BBS4: variants seen among roughly 807,000 people sequenced by gnomAD.
The protein encoded by BBS4 is BBSome complex member BBS4.
BBS4 carries 58 observed loss-of-function variants against 71.4 expected under a neutral mutation model. The ratio of observed to expected loss-of-function variants is 0.81; its 90% CI spans 0.66 to 1.01. The LOEUF (loss-of-function observed/expected upper bound fraction) is 1.01. BBS4 is among the 50% of genes least tolerant of loss of function. The probability of loss-of-function intolerance (pLI) is 0.00; values close to 1 mark genes in which losing one functional copy is unlikely to be tolerated. For synonymous variants in BBS4, 228 were observed against 216.8 expected (o/e 1.05, Z -0.46); for missense variants, 660 against 607.9 (o/e 1.09, Z -0.90).
At chr15:72,724,750 A>G (rs1304256509) in intron 8 of BBS4, 95 bp downstream of exon 8, 1 of 1,494,236 alleles carries the variant, frequency 6.7e-7, no homozygotes, top group Non-Finnish European at 9.1e-7. Context: ...ATGTTTGATT[A>G]ATTACTTACT....
At chr15:72,737,347 C>T (rs2065945931) in intron 15 of BBS4, 131 bp from the exon 16 acceptor site, 1 of 778,118 alleles carries the variant, frequency 1.3e-6, no homozygotes, top group Admixed American at 2.2e-5. Context: ...ATAGTCTTCC[C>T]TTATAGTTAA....
chr15:72,718,835 T>A (rs977022411), intron 6 of BBS4, among the ~76,000 whole-genome samples: 3 of 152,188 alleles, frequency 2.0e-5, no homozygotes, highest in Non-Finnish European at 4.4e-5. Flanking sequence ...CAGAGTTAAA[T>A]CCTGTCTTTC....
At position 72,705,010 on chromosome 15, in the gene BBS4, G is replaced by A. The variant is rs569058834; in HGVS notation, c.77-4690G>A. ...AACCTCTTTATATATTAGGTAATAC[G>A]ATACAACTCTATGAGAATGAGTATT... On this transcript the variant is annotated intron_variant, in intron 2 of 15. Transcript: ENST00000268057. Among the ~76,000 whole-genome samples, 12 of 152,202 alleles carry A rather than the reference G, an allele frequency of 7.9e-5. No homozygotes were observed. The South Asian group carries it at 8.3e-4, about 11-fold the overall frequency.
At chr15:72,716,216 A>G (rs1425735959) in intron 5 of BBS4, among the ~76,000 whole-genome samples, 1 of 152,192 alleles carries the variant, frequency 6.6e-6, no homozygotes, top group Non-Finnish European at 1.5e-5. Context: ...AGATTCCTAG[A>G]TGGAAAGAAT....
intron 1 of BBS4, among the ~76,000 whole-genome samples, chr15:72,692,711 C>T (rs1176379681): frequency 6.6e-6 from 1 of 151,788 alleles, no homozygotes; most frequent in Non-Finnish European, 1.5e-5. Context: ...CCTCCCACCT[C>T]AGCCTTCTGA....
intron 12 of BBS4, 100 bp from the exon 13 acceptor site, chr15:72,735,013 C>G: frequency 1.2e-6 from 1 of 821,376 alleles, no homozygotes; most frequent in Non-Finnish European, 2.1e-6. Flanking sequence ...AACTCTGGTG[C>G]CATGAGCTGA....
intron 4 of BBS4, among the ~76,000 whole-genome samples, chr15:72,712,873 C>A (rs931084130): frequency 2.6e-5 from 4 of 152,142 alleles, no homozygotes; most frequent in Non-Finnish European, 5.9e-5. Context: ...GATAAATTAA[C>A]TTTAGCTTAC....
At chr15:72,730,559 T>C (rs907934109) in intron 10 of BBS4, among the ~76,000 whole-genome samples, 1 of 44,756 alleles carries the variant, frequency 2.2e-5, no homozygotes, top group Non-Finnish European at 4.9e-5. Context: ...ACCACTATAC[T>C]CCAGCCTGGG....
intron 1 of BBS4, among the ~76,000 whole-genome samples, chr15:72,687,664 A>G (rs2064887269): frequency 6.6e-6 from 1 of 152,006 alleles, no homozygotes; most frequent in Non-Finnish European, 1.5e-5. Context: ...TCAGTGGCTC[A>G]CGCCTGTAAT....
At chr15:72,725,051 T>C (rs1279186575) in intron 8 of BBS4, among the ~76,000 whole-genome samples, 2 of 101,054 alleles carry the variant, frequency 2.0e-5, no homozygotes, top group African/African-American at 6.5e-5. Flanking sequence ...TATATATATA[T>C]ATATATAGAG....
At chr15:72,737,057 A>T in intron 15 of BBS4, 94 bp downstream of exon 15, 1 of 1,428,946 alleles carries the variant, frequency 7.0e-7, no homozygotes, top group Non-Finnish European at 9.8e-7. Context: ...TTCTCTTCAG[A>T]CTCATATGTC....
chr15:72,723,865 TTTGG>T (rs1157305198), intron 7 of BBS4, among the ~76,000 whole-genome samples: 1 of 152,208 alleles, frequency 6.6e-6, no homozygotes, highest in East Asian at 1.9e-4. Context: ...AGGATTTGTC[TTTGG>T]TTGGATCTGT....
At chr15:72,695,311 G>A in intron 2 of BBS4, 83 bp downstream of exon 2, 2 of 989,206 alleles carry the variant, frequency 2.0e-6, no homozygotes, top group Non-Finnish European at 3.0e-6. Context: ...TTTTTTGGAG[G>A]CAGAGTCTCA....
At chr15:72,714,797 C>G (rs892860371) in intron 4 of BBS4, among the ~76,000 whole-genome samples, 10 of 152,134 alleles carry the variant, frequency 6.6e-5, no homozygotes, top group Non-Finnish European at 1.0e-4. Flanking sequence ...TAGGAAAAAC[C>G]TCTGGTTCTA....
intron 4 of BBS4, among the ~76,000 whole-genome samples, chr15:72,713,172 A>G (rs563250643): frequency 3.3e-5 from 5 of 151,976 alleles, no homozygotes; most frequent in Non-Finnish European, 7.4e-5. Flanking sequence ...CTATTCTTAA[A>G]ACTTTTTATT....
intron 5 of BBS4, 108 bp downstream of exon 5, chr15:72,715,510 G>C (rs913796239): frequency 1.4e-5 from 11 of 799,694 alleles, no homozygotes; most frequent in Non-Finnish European, 2.2e-5. Flanking sequence ...ATACACAAGT[G>C]GGGGAATGGT....
intron 6 of BBS4, among the ~76,000 whole-genome samples, chr15:72,721,154 G>A (rs1421652021): frequency 6.6e-6 from 1 of 152,148 alleles, no homozygotes; most frequent in Non-Finnish European, 1.5e-5. Context: ...GACATGATTT[G>A]TGATTGAATA....
In BBS4 at chr15:72,731,746, A is replaced by G. The variant is rs2151048334; in HGVS notation, c.1036+20A>G. The G allele has an allele frequency of 6.2e-7, 1 of 1,613,896 alleles. No homozygotes were observed. The highest frequency in any genetic ancestry group is 1.3e-5 in the African/African-American group (1 of 75,062). Reference sequence around the variant, plus strand: ...TGGCAGGTAAGAAACATTTATGTGGAAAACTCTCTCTGCCATCTGTAATGA... The same window carrying G: ...TGGCAGGTAAGAAACATTTATGTGGGAAACTCTCTCTGCCATCTGTAATGA... On this transcript the variant is annotated intron_variant, in intron 12 of 15. Coordinates refer to ENST00000268057, the MANE Select transcript of BBS4 (RefSeq NM_033028.5).
At chr15:72,705,633 C>G (rs1441097351) in intron 2 of BBS4, among the ~76,000 whole-genome samples, 2 of 133,094 alleles carry the variant, frequency 1.5e-5, no homozygotes, top group Non-Finnish European at 3.1e-5. Flanking sequence ...CACTCTGTCA[C>G]CCAGGTTGGA....
Sources: gnomAD v4.1 joint callset for allele counts (sites outside exome capture counted in the v4.1 genomes callset) on GRCh38, gnomAD v4.1.1 for gene constraint, MANE v1.5 for transcripts, NCBI Gene and HGNC (gene_info 2026-07-23, HGNC 2026-07-21) for gene names.